CCDC152: variants seen among roughly 807,000 people sequenced by gnomAD.
The protein encoded by CCDC152 is coiled-coil domain-containing protein 152.
CCDC152 carries 37 observed loss-of-function variants against 38.1 expected under a neutral mutation model. That is an observed-to-expected ratio of 0.97 (90% CI 0.75 to 1.28). The LOEUF (loss-of-function observed/expected upper bound fraction) is 1.28, where lower values mean the gene tolerates loss of function less well. Among genes scored for constraint, CCDC152 ranks in the 50% most tolerant of loss-of-function variants. The pLI, the probability that CCDC152 is intolerant of heterozygous loss-of-function variation, is 0.00. For missense variants in CCDC152, 259 were observed against 292.1 expected (o/e 0.89, Z 0.83); for synonymous variants, 83 against 87.1 (o/e 0.95, Z 0.26).
At chr5:42,778,182 A>ATATT (rs1414344909) in intron 4 of CCDC152, among the ~76,000 whole-genome samples, 1 of 152,238 alleles carries the variant, frequency 6.6e-6, no homozygotes, top group Non-Finnish European at 1.5e-5. Context: ...AAATAGCTAC[A>ATATT]TATTTCCATA....
At chr5:42,771,357 C>T (rs1192863836) in intron 4 of CCDC152, among the ~76,000 whole-genome samples, 1 of 151,690 alleles carries the variant, frequency 6.6e-6, no homozygotes, top group African/African-American at 2.4e-5. Context: ...CTTTACACCT[C>T]AAGGAACTAG....
intron 6 of CCDC152, among the ~76,000 whole-genome samples, chr5:42,792,600 C>G (rs1760019481): frequency 6.6e-6 from 1 of 152,244 alleles, no homozygotes; most frequent in East Asian, 1.9e-4. Context: ...TAGGAGCTAC[C>G]AGTGCTCCAC....
intron 5 of CCDC152, among the ~76,000 whole-genome samples, chr5:42,782,008 GCT>G (rs1013762168): frequency 2.0e-5 from 3 of 152,006 alleles, no homozygotes; most frequent in Non-Finnish European, 2.9e-5. Flanking sequence ...CACTCTCAAT[GCT>G]CCTCTCCCTG....
chr5:42,768,310 T>C (rs1008331503), intron 3 of CCDC152, among the ~76,000 whole-genome samples: 4 of 152,230 alleles, frequency 2.6e-5, no homozygotes, highest in African/African-American at 9.6e-5. Flanking sequence ...CAATAATCAC[T>C]GAACAAATAT....
intron 6 of CCDC152, among the ~76,000 whole-genome samples, chr5:42,791,681 T>C (rs1760001345): frequency 1.3e-5 from 2 of 152,228 alleles, no homozygotes; most frequent in African/African-American, 4.8e-5. Flanking sequence ...CTTTGGTCAT[T>C]GCTTTCTTTA....
At chr5:42,774,045 T>C (rs1759735321) in intron 4 of CCDC152, among the ~76,000 whole-genome samples, 1 of 152,120 alleles carries the variant, frequency 6.6e-6, no homozygotes, top group Non-Finnish European at 1.5e-5. Flanking sequence ...AGTAAAACAT[T>C]GAGCAAACTG....
intron 4 of CCDC152, among the ~76,000 whole-genome samples, chr5:42,770,676 T>C (rs1759685339): frequency 6.6e-6 from 1 of 152,190 alleles, no homozygotes; most frequent in Non-Finnish European, 1.5e-5. Flanking sequence ...CTGTAAAGAA[T>C]GTCATTGGCA....
chr5:42,789,635 A>G (rs191569563), intron 6 of CCDC152, among the ~76,000 whole-genome samples: 1 of 152,302 alleles, frequency 6.6e-6, no homozygotes, highest in African/African-American at 2.4e-5. Context: ...TAAAATTAAA[A>G]TTAGTATTAA....
chr5:42,779,584 G>GAAAAAA, intron 5 of CCDC152, 62 bp downstream of exon 5: 1 of 756,152 alleles, frequency 1.3e-6, no homozygotes, highest in Non-Finnish European at 2.1e-6. Flanking sequence ...TTCAAATTAG[G>GAAAAAA]AAAAAAAAAG....
intron 3 of CCDC152, 95 bp from the exon 4 acceptor site, chr5:42,769,502 C>A: frequency 7.7e-7 from 1 of 1,302,284 alleles, no homozygotes; most frequent in East Asian, 3.2e-5. Context: ...CCATGCCTGG[C>A]TTAAATATTA....
At position 42,799,802 on chromosome 5, in the gene CCDC152, G is replaced by A; in HGVS notation, c.*21G>A. The A allele has an allele frequency of 1.1e-5, 17 of 1,547,100 alleles. No individual in the cohort carries two copies. Among genetic ancestry groups the A allele is most frequent in the Non-Finnish European group, 1.5e-5 (17 of 1,145,862 alleles). The stretch of plus-strand genomic sequence containing the variant: ...TTTGAGCTTAGCAGTAAATTCATTA[G>A]TTGGTATTTATTTAAAAGCAATCGA... On this transcript the variant is annotated 3_prime_UTR_variant, in exon 9 of 9. Coordinates refer to ENST00000361970, the MANE Select transcript of CCDC152 (RefSeq NM_001134848.2).
chr5:42,783,942 G>T (rs935668409), intron 6 of CCDC152, among the ~76,000 whole-genome samples: 1 of 152,016 alleles, frequency 6.6e-6, no homozygotes, highest in South Asian at 2.1e-4. Flanking sequence ...TTACAGCTGC[G>T]TAGTATTTCA....
At chr5:42,767,361 ATT>A (rs1759638039) in intron 3 of CCDC152, among the ~76,000 whole-genome samples, 2 of 152,142 alleles carry the variant, frequency 1.3e-5, no homozygotes. Context: ...TACATGTATA[ATT>A]GCTTTTAATA....
intron 2 of CCDC152, among the ~76,000 whole-genome samples, chr5:42,761,578 G>A (rs2111935574): frequency 6.6e-6 from 1 of 152,070 alleles, no homozygotes; most frequent in South Asian, 2.1e-4. Context: ...TTGCCCCACT[G>A]CACTCCAGCC....
At chr5:42,766,650 A>G (rs1759628093) in intron 3 of CCDC152, among the ~76,000 whole-genome samples, 1 of 152,228 alleles carries the variant, frequency 6.6e-6, no homozygotes. Context: ...TAAGTGAAAT[A>G]AGCCAGGCAC....
chr5:42,791,731 C>T (rs1760002084), intron 6 of CCDC152, among the ~76,000 whole-genome samples: 2 of 152,270 alleles, frequency 1.3e-5, no homozygotes, highest in East Asian at 1.9e-4. Flanking sequence ...TGCCCCATCT[C>T]CTAGGGCCCT....
Position 42,800,915 on chromosome 5 carries a change from G to A in CCDC152, c.*1134G>A, listed in dbSNP as rs776369032. On this transcript the variant is annotated 3_prime_UTR_variant, in exon 9 of 9. Transcript: ENST00000361970. ...ATGGGAGGTTTTCTTTACACTGTCA[G>A]GTGATTGCAGACCCTGTTTTTTCAA... 1.2e-6 allele frequency: 2 copies of A among 1,614,204 alleles called. No homozygotes were observed. Among genetic ancestry groups the A allele is most frequent in the South Asian group, 1.1e-5 (1 of 91,090 alleles).
At chr5:42,759,840 T>A (rs1759526861) in intron 2 of CCDC152, among the ~76,000 whole-genome samples, 1 of 152,210 alleles carries the variant, frequency 6.6e-6, no homozygotes. Context: ...TTATTATTGT[T>A]ATTAACCTCT....
At chr5:42,766,706 A>G (rs1759628757) in intron 3 of CCDC152, among the ~76,000 whole-genome samples, 2 of 152,204 alleles carry the variant, frequency 1.3e-5, no homozygotes, top group Admixed American at 1.3e-4. Flanking sequence ...TCTAAAAGTC[A>G]AAACAATTAA....
Sources: allele counts gnomAD v4.1 joint callset (sites outside exome capture counted in the v4.1 genomes callset), GRCh38; gene constraint gnomAD v4.1.1; transcripts MANE v1.5; gene names NCBI Gene and HGNC (gene_info 2026-07-23, HGNC 2026-07-21).